The following EHBP1 variants were observed in gnomAD, a reference collection of about 807,000 sequenced individuals.
EHBP1 encodes the protein EH domain binding protein 1, also known as EH domain-binding protein 1.
In EHBP1, 55 loss-of-function variants were observed where a neutral mutation model predicts 144.0. That is an observed-to-expected ratio of 0.38 (90% CI 0.31 to 0.48). EHBP1 has a LOEUF of 0.48. Among genes scored for constraint, EHBP1 ranks in the 20% least tolerant of loss-of-function variants. The probability of loss-of-function intolerance (pLI) is 0.98; values close to 1 mark genes in which losing one functional copy is unlikely to be tolerated. For missense variants in EHBP1, 1,200 were observed against 1,364.2 expected, an observed-to-expected ratio of 0.88 and a Z score of 1.90; for synonymous variants, 469 against 472.7, an observed-to-expected ratio of 0.99 and a Z score of 0.10.
intron 7 of EHBP1, among the ~76,000 whole-genome samples, chr2:62,833,413 G>C (rs973085298): frequency 1.3e-5 from 2 of 152,190 alleles, no homozygotes; most frequent in Non-Finnish European, 2.9e-5. Flanking sequence ...GCCTTCTATT[G>C]GAAGAAGATG....
Position 62,707,184 on chromosome 2 carries a change from T to G in EHBP1, c.-8T>G. The G allele has an allele frequency of 6.2e-7, 1 of 1,613,328 alleles. No homozygotes were observed. Among genetic ancestry groups the G allele is most frequent in the Non-Finnish European group, 8.5e-7 (1 of 1,179,254 alleles). On this transcript the variant is annotated 5_prime_UTR_variant, in exon 2 of 23. Coordinates refer to ENST00000431489, the MANE Select transcript of EHBP1 (RefSeq NM_001142616.3). ...CCCAGAACTGCTCCAGTGTCTTGAC[T>G]GATCATCATGGCTTCAGTTTGGAAG...
At chr2:62,794,989 A>T (rs928154166) in intron 5 of EHBP1, among the ~76,000 whole-genome samples, 2 of 152,078 alleles carry the variant, frequency 1.3e-5, no homozygotes, top group African/African-American at 4.8e-5. Context: ...CAGCCAAACC[A>T]AATAGAAGAA....
chr2:62,835,672 T>G (rs1303918022), intron 7 of EHBP1, among the ~76,000 whole-genome samples: 1 of 152,146 alleles, frequency 6.6e-6, no homozygotes, highest in African/African-American at 2.4e-5. Context: ...AGGCATTGCC[T>G]CACCTGGGAA....
chr2:62,696,031 G>GCA (rs2034075384), intron 1 of EHBP1, among the ~76,000 whole-genome samples: 1 of 151,266 alleles, frequency 6.6e-6, no homozygotes, highest in Admixed American at 6.6e-5. Flanking sequence ...ATTTTTTATT[G>GCA]TAAAAAAAAT....
chr2:62,973,412 G>A (rs914390696), intron 14 of EHBP1, among the ~76,000 whole-genome samples: 2 of 152,124 alleles, frequency 1.3e-5, no homozygotes, highest in Admixed American at 6.5e-5. Flanking sequence ...TTCCTCATTT[G>A]ATCATATAAT....
intron 7 of EHBP1, among the ~76,000 whole-genome samples, chr2:62,845,520 G>A (rs148036533): frequency 8.9e-4 from 136 of 152,062 alleles, no homozygotes; most frequent in Non-Finnish European, 1.7e-3. Context: ...TACTTACTAG[G>A]GCTATGAATG....
intron 7 of EHBP1, among the ~76,000 whole-genome samples, chr2:62,857,216 A>G (rs1413230180): frequency 6.6e-6 from 1 of 152,120 alleles, no homozygotes; most frequent in Non-Finnish European, 1.5e-5. Context: ...AAACCTCTTT[A>G]CTTAATAGAA....
At chr2:63,029,883 C>CATTGGCATGGTG (rs2061159725) in intron 19 of EHBP1, among the ~76,000 whole-genome samples, 2 of 152,102 alleles carry the variant, frequency 1.3e-5, no homozygotes, top group Non-Finnish European at 2.9e-5. Context: ...CACACGCCAC[C>CATTGGCATGGTG]ATGCCTGGCC....
chr2:62,947,436 T>G (rs2057129484), intron 12 of EHBP1, among the ~76,000 whole-genome samples: 1 of 152,014 alleles, frequency 6.6e-6, no homozygotes, highest in Admixed American at 6.6e-5. Context: ...CTAAAAAGAG[T>G]AAACATTTTA....
intron 12 of EHBP1, among the ~76,000 whole-genome samples, chr2:62,947,471 G>C (rs1013997473): frequency 6.6e-6 from 1 of 152,132 alleles, no homozygotes; most frequent in African/African-American, 2.4e-5. Context: ...AATATATCTA[G>C]ACGGTTCTTA....
intron 5 of EHBP1, among the ~76,000 whole-genome samples, chr2:62,809,147 C>T (rs961367736): frequency 3.3e-5 from 5 of 151,942 alleles, no homozygotes; most frequent in African/African-American, 1.2e-4. Context: ...AAAAATTAAC[C>T]AGGCATGATG....
In EHBP1 at chr2:62,979,255, C is replaced by A; in HGVS notation, c.2528C>A (p.Ser843Tyr). The change falls in exon 15 of 23, where the codon TCT (serine) becomes TAT (tyrosine). Residue 843 changes from serine to tyrosine, a missense_variant. Transcript: ENST00000431489. Reference protein sequence around the residue: ...RARQLIAEARSGVKMSELPSY... With the variant: ...RARQLIAEARYGVKMSELPSY... ...CGTCAGCTAATAGCAGAAGCTCGAT[C>A]TGGAGTGAAGATGTCAGAACTTCCC... 6.2e-7 allele frequency: 1 copy of A among 1,613,850 alleles called. No individual in the cohort carries two copies. Among genetic ancestry groups the A allele is most frequent in the Non-Finnish European group, 8.5e-7 (1 of 1,179,888 alleles).
chr2:62,838,781 A>G (rs2047528931), intron 7 of EHBP1, among the ~76,000 whole-genome samples: 2 of 148,862 alleles, frequency 1.3e-5, no homozygotes, highest in African/African-American at 5.0e-5. Flanking sequence ...CTCTCCCAAG[A>G]CTAAACCAGG....
intron 10 of EHBP1, among the ~76,000 whole-genome samples, chr2:62,930,683 C>G (rs1263936486): frequency 6.6e-6 from 1 of 152,002 alleles, no homozygotes; most frequent in Non-Finnish European, 1.5e-5. Flanking sequence ...ACATATAGAC[C>G]AACAATGGAA....
chr2:62,862,680 T>A (rs2049675484), intron 8 of EHBP1, among the ~76,000 whole-genome samples: 1 of 152,314 alleles, frequency 6.6e-6, no homozygotes, highest in Admixed American at 6.5e-5. Context: ...CAGATTAAGT[T>A]GTTTGAAATG....
intron 21 of EHBP1, among the ~76,000 whole-genome samples, chr2:63,043,605 G>C (rs1342103225): frequency 2.0e-5 from 3 of 152,076 alleles, no homozygotes; most frequent in African/African-American, 7.2e-5. Context: ...GTAAATACAA[G>C]ATAGAATTCC....
chr2:62,700,737 A>G (rs1163959479), upstream of EHBP1, among the ~76,000 whole-genome samples: 1 of 152,186 alleles, frequency 6.6e-6, no homozygotes, highest in Non-Finnish European at 1.5e-5. Flanking sequence ...ATTAAAACTC[A>G]ACTTCTTCAG....
At chr2:62,852,415 TTTTTATA>T (rs2048744066) in intron 7 of EHBP1, among the ~76,000 whole-genome samples, 2 of 152,190 alleles carry the variant, frequency 1.3e-5, no homozygotes, top group East Asian at 3.9e-4. Context: ...CTATTATTTC[TTTTTATA>T]TTTTATATTT....
At chr2:62,762,199 T>G (rs1028205522) in intron 3 of EHBP1, among the ~76,000 whole-genome samples, 4 of 152,212 alleles carry the variant, frequency 2.6e-5, no homozygotes, top group Non-Finnish European at 5.9e-5. Context: ...GATTGTTCTC[T>G]TCTTGAAACA....
Sources: allele counts gnomAD v4.1 joint callset (sites outside exome capture counted in the v4.1 genomes callset), GRCh38; gene constraint gnomAD v4.1.1; transcripts MANE v1.5; gene names NCBI Gene and HGNC (gene_info 2026-07-23, HGNC 2026-07-21).